Variants in CCDC74B observed in about 807,000 individuals in gnomAD.
The protein encoded by CCDC74B is coiled-coil domain-containing protein 74B.
Under a neutral mutation model 38.0 loss-of-function variants are expected in CCDC74B, and 34 were observed. That is an observed-to-expected ratio of 0.89 (90% CI 0.68 to 1.19). CCDC74B has a LOEUF of 1.19. Among genes scored for constraint, CCDC74B ranks in the 50% most tolerant of loss-of-function variants. The pLI is 0.00. For missense variants in CCDC74B, 358 were observed against 406.0 expected (o/e 0.88, Z 1.02); for synonymous variants, 132 against 170.4 (o/e 0.77, Z 1.76).
At position 130,143,275 on chromosome 2, in the gene CCDC74B, T is replaced by G. The variant is rs768860122; in HGVS notation, c.289A>C (p.Lys97Gln). 1 of 1,613,882 alleles carries G rather than the reference T, an allele frequency of 6.2e-7. No homozygotes were observed. Among genetic ancestry groups the G allele is most frequent in the Admixed American group, 1.7e-5 (1 of 60,020 alleles). The change falls in exon 2 of 8, where the codon AAG becomes CAG. Residue 97 changes from lysine to glutamine, a missense_variant. Lys to Gln is a moderately conservative substitution (Grantham distance 53). This residue lies in a region of CCDC74B where 128 missense variants were observed against 146.7 expected (regional missense o/e 0.87). Transcript: ENST00000409943. ...TGAAGGGCCCAGTTCTCACCTTTCT[T>G]CTGTGATGTCTGATTCATTATGAGC... ...YKLIMNQTSQKKDSLSTSSFQ... is the reference protein window; with the variant it reads ...YKLIMNQTSQQKDSLSTSSFQ...
chr2:130,142,773 A>G, intron 2 of CCDC74B: 1 of 1,549,334 alleles, frequency 6.5e-7, no homozygotes, highest in East Asian at 2.4e-5. Flanking sequence ...ACAAGTGGCA[A>G]GGAAACAGGA....
intron 6 of CCDC74B, 25 bp from the exon 7 acceptor site, chr2:130,139,972 G>A (rs776975404): frequency 6.2e-7 from 1 of 1,608,182 alleles, no homozygotes; most frequent in South Asian, 1.1e-5. Flanking sequence ...AGTCAGCAGT[G>A]AGCTGTGGAT....
Position 130,139,362 on chromosome 2 carries a change from T to A in CCDC74B, c.*193A>T. ...GCTTCATCGTGTGCTTTTATGTAAA[T>A]GCCAAATAGCAAAATAACAGCTAGA... On this transcript the variant is annotated 3_prime_UTR_variant, in exon 8 of 8. Transcript: ENST00000409943. 1.5e-6 allele frequency: 1 copy of A among 689,410 alleles called. No individual in the cohort carries two copies. The highest frequency in any genetic ancestry group is 2.4e-6 in the Non-Finnish European group (1 of 417,788). 42.7% of individuals were successfully genotyped at this position (689,410 alleles called of 1,614,324 possible). A position where few individuals can be genotyped will look rare whatever the true frequency, so the allele number is the denominator to read the frequency against.
In CCDC74B at chr2:130,143,326, A is replaced by G; in HGVS notation, c.251-13T>C. ...TTGTAACGGAGATCTGAAAGCAAGC[A>G]CACGCTCTCCTCAGCACTTGTGAAA... On this transcript the variant is annotated splice_polypyrimidine_tract_variant and intron_variant, in intron 1 of 7. Coordinates refer to ENST00000409943, the MANE Select transcript of CCDC74B (RefSeq NM_001258307.2). 6.2e-7 allele frequency: 1 copy of G among 1,614,018 alleles called. No homozygotes were observed. The highest frequency in any genetic ancestry group is 8.5e-7 in the Non-Finnish European group (1 of 1,179,866).
chr2:130,142,638 T>C (rs1233226045), intron 2 of CCDC74B: 2 of 1,543,146 alleles, frequency 1.3e-6, no homozygotes, highest in East Asian at 2.4e-5. Context: ...GCTGGCTCCA[T>C]CCACCAGTCA....
At chr2:130,139,980 G>T (rs1685490291) in intron 6 of CCDC74B, 33 bp from the exon 7 acceptor site, 9 of 1,604,852 alleles carry the variant, frequency 5.6e-6, no homozygotes, top group East Asian at 2.2e-5. Context: ...GTGAGCTGTG[G>T]ATAGGCCCCC....
At chr2:130,141,572 G>A (rs1054881751) in intron 3 of CCDC74B, 12 of 530,826 alleles carry the variant, frequency 2.3e-5, no homozygotes, top group Admixed American at 2.0e-4. Context: ...CTGCATGAGA[G>A]GCTTGGGACC....
At chr2:130,143,014 G>C in intron 2 of CCDC74B, 1 of 1,497,740 alleles carries the variant, frequency 6.7e-7, no homozygotes, top group Non-Finnish European at 8.9e-7. Flanking sequence ...GAGGTCTGGG[G>C]AGCACCCTGT....
chr2:130,140,314 G>T lies in CCDC74B; in HGVS notation c.543C>A (p.His181Gln). The T allele has an allele frequency of 6.2e-7, 1 of 1,611,914 alleles. No individual in the cohort carries two copies. Among genetic ancestry groups the T allele is most frequent in the Non-Finnish European group, 8.5e-7 (1 of 1,179,080 alleles). ...CCGCCGCCCCCATCTGCCTGCCCTG[G>T]TGCTGGCTGTTCCCCATACAGGCAG... ...AGAACMGNSQ[H>Q]QGRQMGAAAH... is the part of the protein sequence containing the mutation. The change falls in exon 5 of 8, where the codon CAC (histidine) becomes CAA (glutamine). Residue 181 changes from histidine (H) to glutamine (Q), a missense_variant. His to Gln is a conservative substitution (Grantham distance 24). Coordinates refer to ENST00000409943, the MANE Select transcript of CCDC74B (RefSeq NM_001258307.2).
chr2:130,143,513 C>T (rs1294467515), intron 1 of CCDC74B, among the ~76,000 whole-genome samples, 200 bp from the exon 2 acceptor site: 1 of 152,196 alleles, frequency 6.6e-6, no homozygotes. Flanking sequence ...TGCCTGTTCC[C>T]TAGGCAGAGC....
At position 130,140,233 on chromosome 2, in the gene CCDC74B, C is replaced by G. The variant is rs1366661214; in HGVS notation, c.624G>C (p.Gln208His). The G allele has an allele frequency of 6.2e-7, 1 of 1,613,526 alleles. No individual in the cohort carries two copies. The highest frequency in any genetic ancestry group is 2.2e-5 in the East Asian group (1 of 44,864). The change falls in exon 5 of 8, where the codon CAG (glutamine) becomes CAC (histidine). Residue 208 changes from glutamine to histidine, a missense_variant. Around this residue, in one of 3 missense-constraint regions of CCDC74B, gnomAD observed 213 missense variants for 212.3 expected, o/e 1.00. Transcript: ENST00000409943. ...ACAGCTCGCGGATGAGCACTTCGCA[C>G]TGCCTAAGTGTGGTGGGCTTTCGCA... is the stretch of plus-strand genomic sequence containing the variant. Reference protein sequence around the residue: ...LPLRKPTTLRQCEVLIRELWN... With the variant: ...LPLRKPTTLRHCEVLIRELWN...
chr2:130,142,341 G>A (rs1685704064), intron 2 of CCDC74B, 158 bp from the exon 3 acceptor site: 1 of 1,612,864 alleles, frequency 6.2e-7, no homozygotes, highest in Admixed American at 1.7e-5. Context: ...GAGCGCCCAA[G>A]GGAGCAGAGG....
intron 2 of CCDC74B, chr2:130,142,899 G>T: frequency 1.3e-6 from 2 of 1,550,450 alleles, no homozygotes; most frequent in Non-Finnish European, 1.7e-6. Flanking sequence ...GAGCCATAGG[G>T]CTGGAGATCC....
intron 1 of CCDC74B, among the ~76,000 whole-genome samples, chr2:130,143,548 ATC>A (rs1355310347): frequency 6.6e-6 from 1 of 152,106 alleles, no homozygotes; most frequent in Non-Finnish European, 1.5e-5. Flanking sequence ...AGCCTCATCC[ATC>A]TGAGATGACT....
At chr2:130,139,836 C>T (rs1685478390) in intron 7 of CCDC74B, 55 bp downstream of exon 7, 2 of 1,610,352 alleles carry the variant, frequency 1.2e-6, no homozygotes, top group Non-Finnish European at 1.7e-6. Context: ...CCCACTCCCT[C>T]CCTGGGGCCC....
chr2:130,143,867 G>A (rs1471599975), intron 1 of CCDC74B, among the ~76,000 whole-genome samples: 1 of 151,410 alleles, frequency 6.6e-6, no homozygotes, highest in East Asian at 2.0e-4. Flanking sequence ...AGCGAGGAGC[G>A]GAGCCACATC....
At chr2:130,143,477 G>C (rs902928822) in intron 1 of CCDC74B, among the ~76,000 whole-genome samples, 164 bp from the exon 2 acceptor site, 1 of 152,238 alleles carries the variant, frequency 6.6e-6, no homozygotes, top group Non-Finnish European at 1.5e-5. Flanking sequence ...TGCCTTTGTC[G>C]TGGGTGTCAG....
At position 130,139,960 on chromosome 2, in the gene CCDC74B, A is replaced by G. The variant is rs1381903437; in HGVS notation, c.753-13T>C. The G allele has an allele frequency of 6.2e-7, 1 of 1,609,934 alleles. No homozygotes were observed. Among genetic ancestry groups the G allele is most frequent in the Non-Finnish European group, 8.5e-7 (1 of 1,178,152 alleles). The stretch of plus-strand genomic sequence containing the variant: ...GGCTTCTTGGTCCCTGGGTGAAGGA[A>G]GAGTCAGCAGTGAGCTGTGGATAGG... On this transcript the variant is annotated splice_polypyrimidine_tract_variant and intron_variant, in intron 6 of 7. Coordinates refer to ENST00000409943, the MANE Select transcript of CCDC74B (RefSeq NM_001258307.2).
chr2:130,140,035 G>A lies in CCDC74B; in HGVS notation c.740C>T (p.Ala247Val), dbSNP rs1685495523. 3.1e-6 allele frequency: 5 copies of A among 1,607,118 alleles called. No homozygotes were observed. Among genetic ancestry groups the A allele is most frequent in the Non-Finnish European group, 4.2e-6 (5 of 1,177,214 alleles). ...ACCAGGCACTCACCTGGGAAAGCTA[G>A]CTTCCTCCGGGACTGCCTGGGGCCT... ...SQRPQAVPEE[A>V]SFPRDQEATH... The change falls in exon 6 of 8, where the codon GCT (alanine) becomes GTT (valine). Residue 247 changes from alanine (A) to valine (V), a missense_variant. By Grantham distance (64) the Ala-to-Val change is moderately conservative (BLOSUM62 0). Around this residue, in one of 3 missense-constraint regions of CCDC74B, gnomAD observed 213 missense variants for 212.3 expected, o/e 1.00. Coordinates refer to ENST00000409943, the MANE Select transcript of CCDC74B (RefSeq NM_001258307.2).
Sources: allele counts gnomAD v4.1 joint callset (sites outside exome capture counted in the v4.1 genomes callset), GRCh38; gene constraint gnomAD v4.1.1; regional missense constraint gnomAD v4.1.1; transcripts MANE v1.5; gene names NCBI Gene and HGNC (gene_info 2026-07-23, HGNC 2026-07-21).